SH3RF3: variants seen among roughly 807,000 people sequenced by gnomAD.
SH3RF3 encodes the protein SH3 domain containing ring finger 3.
Under a neutral mutation model 66.3 loss-of-function variants are expected in SH3RF3, and 29 were observed. That is an observed-to-expected ratio of 0.44 (90% CI 0.33 to 0.60). SH3RF3 has a LOEUF of 0.60. Among genes scored for constraint, SH3RF3 ranks in the 20% least tolerant of loss-of-function variants. The pLI is 0.04. For missense variants in SH3RF3, 1,194 were observed against 1,190.9 expected, an observed-to-expected ratio of 1.00 and a Z score of -0.04; for synonymous variants, 583 against 532.0, an observed-to-expected ratio of 1.10 and a Z score of -1.32.
chr2:109,367,217 G>A (rs1683169333), intron 2 of SH3RF3, among the ~76,000 whole-genome samples: 1 of 150,522 alleles, frequency 6.6e-6, no homozygotes, highest in African/African-American at 2.5e-5. Context: ...GCCTACTTCG[G>A]CCTACCAAAG....
intron 3 of SH3RF3, among the ~76,000 whole-genome samples, 177 bp downstream of exon 3, chr2:109,371,858 G>A (rs987338154): frequency 6.6e-6 from 1 of 152,244 alleles, no homozygotes; most frequent in Non-Finnish European, 1.5e-5. Context: ...GGTCAGTGCT[G>A]TGAGCACTGC....
At chr2:109,241,865 A>G (rs1412518600) in intron 1 of SH3RF3, among the ~76,000 whole-genome samples, 3 of 150,436 alleles carry the variant, frequency 2.0e-5, no homozygotes, top group African/African-American at 7.4e-5. Context: ...TCCCGGGTTC[A>G]CGCCATTCTC....
chr2:109,492,616 C>T (rs1280671473), intron 9 of SH3RF3, among the ~76,000 whole-genome samples: 2 of 152,166 alleles, frequency 1.3e-5, no homozygotes, highest in African/African-American at 4.8e-5. Context: ...AATCAGTTAT[C>T]CTCGTTTTAC....
At chr2:109,325,826 C>T (rs940869850) in intron 1 of SH3RF3, among the ~76,000 whole-genome samples, 48 of 152,152 alleles carry the variant, frequency 3.2e-4, no homozygotes, top group African/African-American at 9.4e-4. Context: ...GATGCTGGCC[C>T]GAGCAGGGAC....
chr2:109,459,726 G>T (rs1161057668), intron 8 of SH3RF3, among the ~76,000 whole-genome samples: 1 of 152,130 alleles, frequency 6.6e-6, no homozygotes, highest in African/African-American at 2.4e-5. Flanking sequence ...CAGCTCAATG[G>T]AATCATTGTC....
intron 1 of SH3RF3, among the ~76,000 whole-genome samples, chr2:109,259,116 C>T (rs1644482647): frequency 1.3e-5 from 2 of 152,244 alleles, no homozygotes; most frequent in East Asian, 3.8e-4. Context: ...ACTGCCAGAT[C>T]ACATGTAATA....
At chr2:109,438,655 C>T (rs1677478075) in intron 7 of SH3RF3, among the ~76,000 whole-genome samples, 1 of 152,202 alleles carries the variant, frequency 6.6e-6, no homozygotes, top group African/African-American at 2.4e-5. Flanking sequence ...TGCCCAAGCC[C>T]ACCCTGCAAC....
At chr2:109,463,707 CAA>C (rs940463448) in intron 8 of SH3RF3, among the ~76,000 whole-genome samples, 2 of 152,142 alleles carry the variant, frequency 1.3e-5, no homozygotes, top group Non-Finnish European at 2.9e-5. Context: ...TCAAGCTACC[CAA>C]AGTTTTTAAC....
At chr2:109,215,509 T>C (rs1025759733) in intron 1 of SH3RF3, among the ~76,000 whole-genome samples, 1 of 152,042 alleles carries the variant, frequency 6.6e-6, no homozygotes, top group East Asian at 1.9e-4. Context: ...TTCAGCAGTG[T>C]GTACTCGGAG....
intron 1 of SH3RF3, among the ~76,000 whole-genome samples, chr2:109,194,449 C>T (rs1318832883): frequency 6.6e-6 from 1 of 152,244 alleles, no homozygotes; most frequent in Non-Finnish European, 1.5e-5. Flanking sequence ...TGGCTGATGG[C>T]AGCTGTGTTG....
chr2:109,501,615 C>A lies in SH3RF3; in HGVS notation c.2593C>A (p.Leu865Met). The A allele has an allele frequency of 1.3e-6, 1 of 778,962 alleles. No homozygotes were observed. Among genetic ancestry groups the A allele is most frequent in the East Asian group, 2.4e-5 (1 of 41,152 alleles). 48.3% of individuals were successfully genotyped at this position (778,962 alleles called of 1,614,324 possible). A position where few individuals can be genotyped will look rare whatever the true frequency, so the allele number is the denominator to read the frequency against. The change falls in exon 10 of 10, where the codon CTG (leucine) becomes ATG (methionine). Residue 865 changes from leucine (L) to methionine (M), a missense_variant. Coordinates refer to ENST00000309415, the MANE Select transcript of SH3RF3 (RefSeq NM_001099289.3). ...KREDGWYKGT[L>M]QRNGRTGLFP... ...TGAGGACGGCTGGTACAAGGGGACC[C>A]TGCAGCGGAACGGCCGCACAGGCCT...
At chr2:109,206,042 C>T (rs1227288346) in intron 1 of SH3RF3, among the ~76,000 whole-genome samples, 2 of 152,168 alleles carry the variant, frequency 1.3e-5, no homozygotes, top group South Asian at 2.1e-4. Flanking sequence ...GTCACTTGTA[C>T]CCTGAGATGC....
intron 2 of SH3RF3, among the ~76,000 whole-genome samples, chr2:109,348,311 T>C (rs1177401798): frequency 1.3e-5 from 2 of 152,170 alleles, no homozygotes; most frequent in African/African-American, 2.4e-5. Context: ...TCCAGGACTC[T>C]TGGGGTCCTG....
chr2:109,291,920 G>A (rs528317675), intron 1 of SH3RF3, among the ~76,000 whole-genome samples: 88 of 152,352 alleles, frequency 5.8e-4, no homozygotes, highest in African/African-American at 2.0e-3. Flanking sequence ...CTGGAGTGCA[G>A]TGGCACAATC....
intron 1 of SH3RF3, among the ~76,000 whole-genome samples, chr2:109,190,554 C>T (rs771146997): frequency 2.7e-5 from 4 of 149,068 alleles, no homozygotes; most frequent in African/African-American, 7.3e-5. Context: ...AATTGTATAA[C>T]ACCTGAGTGA....
chr2:109,271,722 C>T (rs549109532), intron 1 of SH3RF3, among the ~76,000 whole-genome samples: 1 of 152,342 alleles, frequency 6.6e-6, no homozygotes, highest in South Asian at 2.1e-4. Context: ...CAATTCACTG[C>T]CTGTTTGCAC....
At chr2:109,462,911 G>A (rs1317613400) in intron 8 of SH3RF3, among the ~76,000 whole-genome samples, 1 of 152,222 alleles carries the variant, frequency 6.6e-6, no homozygotes, top group Non-Finnish European at 1.5e-5. Context: ...GGTCAGTTCA[G>A]ATCCAGTGTC....
chr2:109,408,285 C>T (rs1454854237), intron 4 of SH3RF3, among the ~76,000 whole-genome samples: 1 of 152,158 alleles, frequency 6.6e-6, no homozygotes, highest in Non-Finnish European at 1.5e-5. Context: ...CAGGAGGAAA[C>T]CAGGCCACTG....
At chr2:109,318,257 G>A (rs180930938) in intron 1 of SH3RF3, among the ~76,000 whole-genome samples, 4 of 152,026 alleles carry the variant, frequency 2.6e-5, no homozygotes, top group Non-Finnish European at 4.4e-5. Flanking sequence ...AAATTTGAGC[G>A]CAGCCCCAGA....
Sources: gnomAD v4.1 joint callset for allele counts (sites outside exome capture counted in the v4.1 genomes callset) on GRCh38, gnomAD v4.1.1 for gene constraint, MANE v1.5 for transcripts, NCBI Gene and HGNC (gene_info 2026-07-23, HGNC 2026-07-21) for gene names.